PPIL2: variants seen among roughly 807,000 people sequenced by gnomAD.
PPIL2 encodes the protein peptidylprolyl isomerase like 2.
Under a neutral mutation model 75.2 loss-of-function variants are expected in PPIL2, and 50 were observed. The ratio of observed to expected loss-of-function variants is 0.66; its 90% confidence interval spans 0.53 to 0.84. The LOEUF is 0.84. Among genes scored for constraint, PPIL2 ranks in the 40% least tolerant of loss-of-function variants. The pLI, the probability that PPIL2 is intolerant of heterozygous loss-of-function variation, is 0.00. For missense variants in PPIL2, 590 were observed against 685.0 expected (o/e 0.86, Z 1.55); for synonymous variants, 245 against 258.8 (o/e 0.95, Z 0.51).
chr22:21,692,710 G>A (rs896647311), intron 15 of PPIL2, among the ~76,000 whole-genome samples: 2 of 151,616 alleles, frequency 1.3e-5, no homozygotes, highest in African/African-American at 4.8e-5. Context: ...TGGATCACAA[G>A]GTCAAGAGAT....
At chr22:21,693,660 G>C (rs1413056652) in intron 15 of PPIL2, among the ~76,000 whole-genome samples, 156 bp from the exon 16 acceptor site, 1 of 152,224 alleles carries the variant, frequency 6.6e-6, no homozygotes, top group Non-Finnish European at 1.5e-5. Context: ...ACCTGCCCTG[G>C]TGGGCAGCGC....
intron 6 of PPIL2, among the ~76,000 whole-genome samples, chr22:21,680,095 A>C (rs2067047810): frequency 6.6e-6 from 1 of 151,796 alleles, no homozygotes; most frequent in Non-Finnish European, 1.5e-5. Context: ...TGTCTCAAAA[A>C]AAAAAAAAAA....
intron 12 of PPIL2, 55 bp from the exon 13 acceptor site, chr22:21,687,588 G>T (rs1249577990): frequency 9.9e-7 from 1 of 1,011,392 alleles, no homozygotes; most frequent in Non-Finnish European, 1.5e-6. Flanking sequence ...TGTGGCTGTG[G>T]TGAGCTGCCT....
rs768671755 is a variant in PPIL2 at position 21,681,275 on chromosome 22, T to G, written c.296-24T>G. ...TCACAGCCCACAGAGGTGACTGGCC[T>G]CCCTGTGTGTGCCTTCTCTCTAGGG... is the stretch of plus-strand genomic sequence containing the variant. On this transcript the variant is annotated intron_variant, in intron 6 of 19. Coordinates refer to ENST00000398831, the MANE Select transcript of PPIL2 (RefSeq NM_014337.4). The G allele has an allele frequency of 2.5e-6, 4 of 1,578,726 alleles. No individual in the cohort carries two copies. The East Asian group carries it at 9.0e-5, about 35-fold the overall frequency.
At chr22:21,668,632 AAAAAAT>A (rs1275055263) in intron 1 of PPIL2, among the ~76,000 whole-genome samples, 1 of 151,794 alleles carries the variant, frequency 6.6e-6, no homozygotes, top group Non-Finnish European at 1.5e-5. Context: ...CGTCTCAAAA[AAAAAAT>A]AAATAAAATA....
Position 21,670,285 on chromosome 22 carries a change from GATA to G in PPIL2, c.83-277_83-275del, listed in dbSNP as rs1461966262. On this transcript the variant is annotated intron_variant, in intron 2 of 19. Coordinates refer to ENST00000398831, the MANE Select transcript of PPIL2 (RefSeq NM_014337.4). ...CAAGTTTATAAGGAATAAAAAGAAT[GATA>G]ATATTTTCAGCTGTCAAAACTATCA... 5 of 1,425,610 alleles carry G rather than the reference GATA, an allele frequency of 3.5e-6. No homozygotes were observed. In the Admixed American group the frequency reaches 8.0e-5, roughly 23 times the overall value. The allele number at this position is 1,425,610 out of a possible 1,614,324, so 88.3% of individuals were successfully genotyped here.
chr22:21,684,454 C>CAAAAAAAAAAAAAAAAAAAAAAAAAAAA (rs1028354500), intron 9 of PPIL2, among the ~76,000 whole-genome samples: 1 of 47,544 alleles, frequency 2.1e-5, no homozygotes, highest in Non-Finnish European at 3.7e-5. Context: ...TCCATCTCCA[C>CAAAAAAAAAAAAAAAAAAAAAAAAAAAA]AAAAAAAAAA....
intron 15 of PPIL2, among the ~76,000 whole-genome samples, chr22:21,691,992 C>T (rs1341528814): frequency 6.6e-6 from 1 of 152,160 alleles, no homozygotes; most frequent in Non-Finnish European, 1.5e-5. Context: ...GGGTTGTGGG[C>T]TGTGCCTGCC....
At position 21,696,721 on chromosome 22, in the gene PPIL2, G is replaced by A; in HGVS notation, c.*1231G>A. Reference sequence around the variant, plus strand: ...CCTTGTTCTTGGTTTTCTCATTTTTGTTGCCCCAAATCTTGAACCTGTCAG... The same window carrying A: ...CCTTGTTCTTGGTTTTCTCATTTTTATTGCCCCAAATCTTGAACCTGTCAG... On this transcript the variant is annotated 3_prime_UTR_variant, in exon 20 of 20. Coordinates refer to ENST00000398831, the MANE Select transcript of PPIL2 (RefSeq NM_014337.4). 2 of 1,536,902 alleles carry A rather than the reference G, an allele frequency of 1.3e-6. No individual in the cohort carries two copies. Among genetic ancestry groups the A allele is most frequent in the Non-Finnish European group, 1.7e-6 (2 of 1,146,492 alleles).
intron 11 of PPIL2, 104 bp downstream of exon 11, chr22:21,686,662 C>T: frequency 2.4e-6 from 3 of 1,227,112 alleles, no homozygotes; most frequent in East Asian, 4.9e-5. Flanking sequence ...GGGGCTCCCA[C>T]TGTCACCTGA....
At chr22:21,687,590 G>A in intron 12 of PPIL2, 53 bp from the exon 13 acceptor site, 1 of 871,048 alleles carries the variant, frequency 1.1e-6, no homozygotes, top group Admixed American at 2.4e-5. Flanking sequence ...TGGCTGTGGT[G>A]AGCTGCCTTT....
downstream of PPIL2, chr22:21,699,622 A>T (rs546553277): frequency 6.5e-6 from 1 of 152,836 alleles, no homozygotes; most frequent in South Asian, 2.1e-4. Context: ...GTCTTCATGC[A>T]CAAAGGCTAA....
At chr22:21,668,987 A>C (rs1029164739) in intron 1 of PPIL2, among the ~76,000 whole-genome samples, 2 of 149,428 alleles carry the variant, frequency 1.3e-5, no homozygotes, top group African/African-American at 4.9e-5. Context: ...CTGGGATTAC[A>C]GGTGTGAGCC....
chr22:21,694,815 C>T lies in PPIL2; in HGVS notation c.1330C>T (p.Gln444Ter). 1 of 1,599,966 alleles carries T rather than the reference C, an allele frequency of 6.3e-7. No homozygotes were observed. Among genetic ancestry groups the T allele is most frequent in the Non-Finnish European group, 8.5e-7 (1 of 1,170,990 alleles). The change falls in exon 18 of 20, where the codon CAG becomes TAG. Residue 444 changes from glutamine to a stop codon, truncating the protein, a stop_gained and splice_region_variant. Coordinates refer to ENST00000398831, the MANE Select transcript of PPIL2 (RefSeq NM_014337.4). LOFTEE classifies it high-confidence loss of function. Reference sequence around the variant, plus strand: ...GGACCCCTATGAGGAGGCCGATGCCCAGGTGAGGGGGCACGATGCCACCAC... The same window carrying T: ...GGACCCCTATGAGGAGGCCGATGCCTAGGTGAGGGGGCACGATGCCACCAC... ...FVDPYEEADAQIAQERKTQLK... is the reference protein window; with the variant it reads ...FVDPYEEADA
At chr22:21,670,047 GACA>G (rs1271121653) in intron 2 of PPIL2, 85 bp downstream of exon 2, 8 of 1,381,880 alleles carry the variant, frequency 5.8e-6, no homozygotes, top group African/African-American at 2.9e-5. Context: ...TGTAAAAATA[GACA>G]ACAAGAACAC....
In PPIL2 at chr22:21,695,543, G is replaced by A; in HGVS notation, c.*53G>A. ...TGGGGTTGCAGGGCTGGGGGCCCAT[G>A]TCCACATCTCCATTTCCAGCCTTTC... is the stretch of plus-strand genomic sequence containing the variant. On this transcript the variant is annotated 3_prime_UTR_variant, in exon 20 of 20. Coordinates refer to ENST00000398831, the MANE Select transcript of PPIL2 (RefSeq NM_014337.4). 2 of 1,554,508 alleles carry A rather than the reference G, an allele frequency of 1.3e-6. No individual in the cohort carries two copies. The highest frequency in any genetic ancestry group is 1.9e-4 in the Middle Eastern group (1 of 5,308).
At chr22:21,670,903 A>G in intron 3 of PPIL2, 94 bp from the exon 4 acceptor site, 1 of 1,248,526 alleles carries the variant, frequency 8.0e-7, no homozygotes, top group Non-Finnish European at 1.2e-6. Context: ...GCTCCCTGGG[A>G]CAGCATTTCA....
At chr22:21,670,789 G>A in intron 3 of PPIL2, 178 bp downstream of exon 3, 1 of 858,928 alleles carries the variant, frequency 1.2e-6, no homozygotes, top group Non-Finnish European at 1.9e-6. Flanking sequence ...GCTTGCCTTG[G>A]TGTTGGATCC....
Position 21,687,693 on chromosome 22 carries a change from C to T in PPIL2, c.948C>T (p.Tyr316=), listed in dbSNP as rs201211352. The change falls in exon 13 of 20, where the codon TAC becomes TAT. Residue 316 remains tyrosine (Y), a synonymous_variant. Transcript: ENST00000398831. The part of the protein sequence containing the change: ...NFIRLCKKHY[Y]DGTIFHRSIR... ...TCAGGCTTTGCAAGAAGCATTATTA[C>T]GATGGCACCATCTTCCACAGATCCA... 3.9e-6 allele frequency: 6 copies of T among 1,530,066 alleles called. No individual in the cohort carries two copies. The African/African-American group carries it at 5.6e-5, about 14-fold the overall frequency. The allele number at this position is 1,530,066 out of a possible 1,614,324, so 94.8% of individuals were successfully genotyped here.
Sources: allele counts gnomAD v4.1 joint callset (sites outside exome capture counted in the v4.1 genomes callset), GRCh38; gene constraint gnomAD v4.1.1; transcripts MANE v1.5; gene names NCBI Gene and HGNC (gene_info 2026-07-23, HGNC 2026-07-21).